SCHIP1: variants seen among roughly 807,000 people sequenced by gnomAD.
SCHIP1 encodes schwannomin interacting protein 1, also known as schwannomin-interacting protein 1.
Under a neutral mutation model 29.7 loss-of-function variants are expected in SCHIP1, and 8 were observed. That is an observed-to-expected ratio of 0.27 (90% CI 0.16 to 0.49). SCHIP1 has a LOEUF of 0.49. Ranked by LOEUF, SCHIP1 falls within the 20% of genes least tolerant of loss-of-function variation. The pLI, the probability that SCHIP1 is intolerant of heterozygous loss-of-function variation, is 0.99. For missense variants in SCHIP1, 193 were observed against 294.6 expected, an observed-to-expected ratio of 0.66 and a Z score of 2.52; for synonymous variants, 76 against 94.9, an observed-to-expected ratio of 0.80 and a Z score of 1.16.
chr3:159,393,896 A>G, the SCHIP1 span, among the ~76,000 whole-genome samples: 2 of 152,126 alleles, frequency 1.3e-5, no homozygotes, highest in Admixed American at 6.5e-5. Flanking sequence ...TCTGTAAATT[A>G]CCTTGGGCAG....
At chr3:159,514,336 T>A in the SCHIP1 span, among the ~76,000 whole-genome samples, 3 of 152,248 alleles carry the variant, frequency 2.0e-5, no homozygotes, top group Admixed American at 6.5e-5. Flanking sequence ...TTAGTCACTA[T>A]AGTACATTCA....
At chr3:159,578,220 T>C in the SCHIP1 span, among the ~76,000 whole-genome samples, 1 of 152,118 alleles carries the variant, frequency 6.6e-6, no homozygotes, top group Non-Finnish European at 1.5e-5. Context: ...TCCAATACAG[T>C]AGCCACCAGT....
At chr3:159,328,173 A>G in the SCHIP1 span, among the ~76,000 whole-genome samples, 1 of 152,214 alleles carries the variant, frequency 6.6e-6, no homozygotes, top group African/African-American at 2.4e-5. Flanking sequence ...CAGTTGCTCT[A>G]TTTCTCAAGT....
the SCHIP1 span, among the ~76,000 whole-genome samples, chr3:159,823,023 C>T: frequency 6.6e-6 from 1 of 151,840 alleles, no homozygotes; most frequent in African/African-American, 2.4e-5. Flanking sequence ...GAGAGAGGGC[C>T]CACCGAAAGG....
At chr3:159,870,630 AT>A (rs1487487985) in intron 2 of SCHIP1, among the ~76,000 whole-genome samples, 3 of 151,934 alleles carry the variant, frequency 2.0e-5, no homozygotes, top group Non-Finnish European at 4.4e-5. Context: ...GGAGTATTAT[AT>A]TTTTTCAGAT....
chr3:159,571,311 C>A, the SCHIP1 span, among the ~76,000 whole-genome samples: 3 of 152,098 alleles, frequency 2.0e-5, no homozygotes, highest in Non-Finnish European at 4.4e-5. Flanking sequence ...CCCATCAATA[C>A]CTAGTTTATT....
the SCHIP1 span, among the ~76,000 whole-genome samples, chr3:159,464,772 A>C: frequency 6.6e-6 from 1 of 152,116 alleles, no homozygotes; most frequent in African/African-American, 2.4e-5. Flanking sequence ...CATTTATCCA[A>C]ACTCATCTGT....
chr3:159,409,758 A>ATTCT, the SCHIP1 span, among the ~76,000 whole-genome samples: 9 of 152,288 alleles, frequency 5.9e-5, no homozygotes, highest in South Asian at 6.2e-4. Context: ...TACCAATGAC[A>ATTCT]TTCTTTGCAG....
chr3:159,538,073 G>T, the SCHIP1 span, among the ~76,000 whole-genome samples: 3 of 152,272 alleles, frequency 2.0e-5, no homozygotes, highest in South Asian at 6.2e-4. Flanking sequence ...AACCACGAAA[G>T]CAGAGCACAT....
chr3:159,702,423 A>G, the SCHIP1 span, among the ~76,000 whole-genome samples: 1 of 152,220 alleles, frequency 6.6e-6, no homozygotes, highest in Non-Finnish European at 1.5e-5. Context: ...CTAATACCCC[A>G]AGAAACTATT....
At chr3:159,721,954 C>A in the SCHIP1 span, 1 of 394,468 alleles carries the variant, frequency 2.5e-6, no homozygotes, top group South Asian at 2.1e-5. Flanking sequence ...AGGCAGTCCT[C>A]TGTGTTCTTC....
the SCHIP1 span, among the ~76,000 whole-genome samples, chr3:159,618,491 G>T: frequency 5.3e-5 from 8 of 152,190 alleles, 1 homozygote; most frequent in African/African-American, 1.9e-4. Context: ...ACTGATCTGG[G>T]TGATTAAGCT....
the SCHIP1 span, among the ~76,000 whole-genome samples, chr3:159,333,390 G>A: frequency 2.0e-5 from 3 of 152,232 alleles, no homozygotes; most frequent in South Asian, 4.1e-4. Context: ...GTCAATAAAT[G>A]TTTGCTATGA....
At chr3:159,777,573 T>C in the SCHIP1 span, among the ~76,000 whole-genome samples, 1 of 152,186 alleles carries the variant, frequency 6.6e-6, no homozygotes, top group Non-Finnish European at 1.5e-5. Flanking sequence ...TTGTTATTTG[T>C]AGTCAGGGAA....
At chr3:159,764,503 C>A in the SCHIP1 span, 3 of 1,586,684 alleles carry the variant, frequency 1.9e-6, no homozygotes, top group East Asian at 4.5e-5. The surrounding 1 kb of genome is among the most constrained non-coding windows in gnomAD (Gnocchi z 6.1). Context: ...CAGCAGCAGC[C>A]GCGCCAGTTC....
the SCHIP1 span, among the ~76,000 whole-genome samples, chr3:159,425,679 G>C: frequency 3.9e-5 from 6 of 152,294 alleles, no homozygotes; most frequent in Admixed American, 6.5e-5. Flanking sequence ...ACTCAGCTCT[G>C]CACCAAGTGG....
chr3:159,694,601 A>AAAGG, the SCHIP1 span, among the ~76,000 whole-genome samples: 1 of 128,692 alleles, frequency 7.8e-6, no homozygotes, highest in Admixed American at 7.7e-5. Flanking sequence ...AGAAAGAAAG[A>AAAGG]AAGAAAGGAA....
At chr3:159,300,592 A>C in the SCHIP1 span, among the ~76,000 whole-genome samples, 1 of 152,158 alleles carries the variant, frequency 6.6e-6, no homozygotes, top group Non-Finnish European at 1.5e-5. Context: ...CTGAACTCTT[A>C]ACATTTTCTG....
At chr3:159,286,443 T>C in the SCHIP1 span, among the ~76,000 whole-genome samples, 1 of 152,232 alleles carries the variant, frequency 6.6e-6, no homozygotes, top group African/African-American at 2.4e-5. Flanking sequence ...ATGGTGTATA[T>C]ATACCACATT....
Sources: gnomAD v4.1 joint callset for allele counts (sites outside exome capture counted in the v4.1 genomes callset) on GRCh38, gnomAD v4.1.1 for gene constraint, Gnocchi (gnomAD v3.1) non-coding constraint, MANE v1.5 for transcripts, NCBI Gene and HGNC (gene_info 2026-07-23, HGNC 2026-07-21) for gene names.